COL5A2: variants seen among roughly 807,000 people sequenced by gnomAD.
COL5A2 encodes the protein collagen type V alpha 2 chain.
COL5A2 carries 23 observed loss-of-function variants against 208.2 expected under a neutral mutation model. That is an observed-to-expected ratio of 0.11 (90% CI 0.08 to 0.16). The LOEUF (loss-of-function observed/expected upper bound fraction) is 0.16. COL5A2 is among the 10% of genes least tolerant of loss of function. The pLI is 1.00. For missense variants in COL5A2, 1,590 were observed against 1,956.4 expected, an observed-to-expected ratio of 0.81 and a Z score of 3.53; for synonymous variants, 625 against 628.5, an observed-to-expected ratio of 0.99 and a Z score of 0.08.
the COL5A2 span, among the ~76,000 whole-genome samples, chr2:189,281,109 C>G: frequency 5.3e-5 from 8 of 151,980 alleles, no homozygotes; most frequent in Admixed American, 5.2e-4. Flanking sequence ...TTTGAATATT[C>G]ATTATATCTC....
At chr2:189,129,628 G>A (rs1559117435) in intron 1 of COL5A2, among the ~76,000 whole-genome samples, 1 of 151,980 alleles carries the variant, frequency 6.6e-6, no homozygotes, top group Non-Finnish European at 1.5e-5. Context: ...AAAGGGACAA[G>A]TTATAGTGTA....
the COL5A2 span, among the ~76,000 whole-genome samples, chr2:189,324,413 T>C: frequency 6.6e-6 from 1 of 151,960 alleles, no homozygotes. Context: ...TGCAATCTAC[T>C]CATCTGACAA....
the COL5A2 span, among the ~76,000 whole-genome samples, chr2:189,428,931 G>C: frequency 6.6e-6 from 1 of 152,192 alleles, no homozygotes; most frequent in Non-Finnish European, 1.5e-5. Context: ...AAAGTAGAAT[G>C]GTGGTTACCA....
At chr2:189,036,562 G>A (rs557712823) in intron 52 of COL5A2, 54 bp downstream of exon 52, 68 of 1,403,074 alleles carry the variant, frequency 4.8e-5, no homozygotes, top group Non-Finnish European at 6.5e-5. Flanking sequence ...TCAAAAATAT[G>A]TAATAAGTAG....
intron 1 of COL5A2, among the ~76,000 whole-genome samples, chr2:189,149,255 C>T (rs977685755): frequency 6.6e-6 from 1 of 152,166 alleles, no homozygotes; most frequent in African/African-American, 2.4e-5. Flanking sequence ...CCCATGATAA[C>T]ATCTTATATG....
chr2:189,278,214 T>C, the COL5A2 span, among the ~76,000 whole-genome samples: 2 of 152,278 alleles, frequency 1.3e-5, no homozygotes, highest in South Asian at 2.1e-4. Context: ...TGGTCAGACA[T>C]TGGGCAGTAG....
intron 1 of COL5A2, among the ~76,000 whole-genome samples, chr2:189,195,399 C>A (rs1313808606): frequency 6.6e-6 from 1 of 152,086 alleles, no homozygotes; most frequent in Non-Finnish European, 1.5e-5. Flanking sequence ...CAAAGTAATT[C>A]ATAGATTCAC....
chr2:189,365,226 G>A, the COL5A2 span, among the ~76,000 whole-genome samples: 11 of 152,128 alleles, frequency 7.2e-5, no homozygotes, highest in African/African-American at 2.7e-4. Flanking sequence ...AAAATTATAT[G>A]AGCTTCAGAC....
intron 37 of COL5A2, 96 bp from the exon 38 acceptor site, chr2:189,053,573 G>T: frequency 9.0e-7 from 1 of 1,115,702 alleles, no homozygotes; most frequent in Non-Finnish European, 1.3e-6. Flanking sequence ...AGTTAGACAT[G>T]TAAATATAGA....
the COL5A2 span, among the ~76,000 whole-genome samples, chr2:189,351,579 C>T: frequency 6.6e-6 from 1 of 152,080 alleles, no homozygotes; most frequent in African/African-American, 2.4e-5. Flanking sequence ...TCAATACTTA[C>T]ATATATATTG....
At chr2:189,287,026 T>C in the COL5A2 span, among the ~76,000 whole-genome samples, 2 of 152,110 alleles carry the variant, frequency 1.3e-5, no homozygotes, top group Non-Finnish European at 2.9e-5. Flanking sequence ...GGGAAAGATA[T>C]GGTTTATACT....
Position 189,056,915 on chromosome 2 carries a change from CAT to C in COL5A2, c.2391+56_2391+57del, listed in dbSNP as rs564410694. 8.0e-5 allele frequency: 122 copies of C among 1,520,342 alleles called. No individual in the cohort carries two copies. The African/African-American group carries it at 1.2e-3, about 15-fold the overall frequency. The allele number at this position is 1,520,342 out of a possible 1,614,324, so 94.2% of individuals were successfully genotyped here. On this transcript the variant is annotated intron_variant, in intron 35 of 53. Transcript: ENST00000374866. Reference sequence around the variant, plus strand: ...TTATTTTGGAAGGTTCAGGGAAACTCATATGATACTGTAATGTTGGTTCCTAG... The same window carrying C: ...TTATTTTGGAAGGTTCAGGGAAACTCATGATACTGTAATGTTGGTTCCTAG...
At chr2:189,398,186 TTCTA>T in the COL5A2 span, among the ~76,000 whole-genome samples, 1 of 152,166 alleles carries the variant, frequency 6.6e-6, no homozygotes, top group Non-Finnish European at 1.5e-5. Flanking sequence ...TCATCTGCTT[TTCTA>T]TCTGATAAAA....
At chr2:189,078,419 C>A in intron 16 of COL5A2, 97 bp downstream of exon 16, 1 of 942,594 alleles carries the variant, frequency 1.1e-6, no homozygotes, top group Non-Finnish European at 1.8e-6. Context: ...GTGACCAGTA[C>A]TATTACTTTC....
At chr2:189,343,314 A>T in the COL5A2 span, among the ~76,000 whole-genome samples, 20 of 152,268 alleles carry the variant, frequency 1.3e-4, no homozygotes, top group African/African-American at 4.6e-4. Flanking sequence ...TATATACAGA[A>T]TTATATGTTA....
At chr2:189,052,498 G>A (rs959890101) in intron 40 of COL5A2, among the ~76,000 whole-genome samples, 1 of 152,090 alleles carries the variant, frequency 6.6e-6, no homozygotes, top group Non-Finnish European at 1.5e-5. Flanking sequence ...CTTTCACATT[G>A]TTTATTTACT....
chr2:189,197,653 C>T (rs1193205981), intron 1 of COL5A2, among the ~76,000 whole-genome samples: 6 of 150,656 alleles, frequency 4.0e-5, no homozygotes, highest in African/African-American at 9.8e-5. Flanking sequence ...TACAAATGAT[C>T]GTTAAACTAA....
chr2:189,180,317 G>A (rs1576577596), upstream of COL5A2, among the ~76,000 whole-genome samples: 1 of 152,122 alleles, frequency 6.6e-6, no homozygotes, highest in Admixed American at 6.5e-5. Context: ...TAAAGTCCAG[G>A]TTAGAAAACC....
At chr2:189,437,279 T>C in the COL5A2 span, among the ~76,000 whole-genome samples, 1 of 152,170 alleles carries the variant, frequency 6.6e-6, no homozygotes, top group African/African-American at 2.4e-5. Context: ...GAGCTGCCAT[T>C]AGATTATTTT....
Sources: gnomAD v4.1 joint callset for allele counts (sites outside exome capture counted in the v4.1 genomes callset) on GRCh38, gnomAD v4.1.1 for gene constraint, MANE v1.5 for transcripts, NCBI Gene and HGNC (gene_info 2026-07-23, HGNC 2026-07-21) for gene names.